The following STAU2 variants were observed in gnomAD, a reference collection of about 807,000 sequenced individuals.
The protein encoded by STAU2 is double-stranded RNA-binding protein Staufen homolog 2.
STAU2 carries 20 observed loss-of-function variants against 65.9 expected under a neutral mutation model. The observed-to-expected ratio is 0.30, with a 90% CI of 0.21 to 0.44. STAU2 has a LOEUF of 0.44. Ranked by LOEUF, STAU2 falls within the 20% of genes least tolerant of loss-of-function variation. STAU2 has a pLI of 1.00. For synonymous variants in STAU2, 232 were observed against 233.9 expected, an observed-to-expected ratio of 0.99 and a Z score of 0.07; for missense variants, 558 against 683.9, an observed-to-expected ratio of 0.82 and a Z score of 2.05.
At chr8:73,475,165 G>A (rs954754216) in intron 13 of STAU2, among the ~76,000 whole-genome samples, 5 of 152,198 alleles carry the variant, frequency 3.3e-5, no homozygotes, top group South Asian at 2.1e-4. Flanking sequence ...GGAGGCTAGC[G>A]TGTCTCCTGA....
intron 13 of STAU2, among the ~76,000 whole-genome samples, chr8:73,472,765 T>G (rs1440520222): frequency 6.6e-6 from 1 of 151,956 alleles, no homozygotes; most frequent in Non-Finnish European, 1.5e-5. Flanking sequence ...TGCTAATAGA[T>G]AAAGGAGACA....
At chr8:73,687,439 AATAT>A (rs1819000193) in intron 5 of STAU2, among the ~76,000 whole-genome samples, 1 of 129,022 alleles carries the variant, frequency 7.8e-6, no homozygotes, top group Non-Finnish European at 1.5e-5. Flanking sequence ...ATATATTTAT[AATAT>A]ATAAATATAT....
intron 13 of STAU2, among the ~76,000 whole-genome samples, chr8:73,505,550 C>T (rs889201274): frequency 1.3e-5 from 2 of 152,100 alleles, no homozygotes; most frequent in Middle Eastern, 3.4e-3. Flanking sequence ...ACATGTTTTT[C>T]CACTCTTTCT....
chr8:73,536,488 C>T (rs1411092101), intron 13 of STAU2, among the ~76,000 whole-genome samples: 1 of 152,184 alleles, frequency 6.6e-6, no homozygotes, highest in Admixed American at 6.5e-5. Context: ...CCATCCCCAA[C>T]AGCAAAAGTC....
chr8:73,613,330 T>C (rs76390483), intron 9 of STAU2, among the ~76,000 whole-genome samples: 6,346 of 152,258 alleles, frequency 0.042, 193 homozygotes, highest in Middle Eastern at 0.099. Context: ...AACACTGGAT[T>C]AGAGATCAGA....
intron 9 of STAU2, among the ~76,000 whole-genome samples, chr8:73,608,543 G>A (rs762015661): frequency 2.7e-5 from 4 of 150,720 alleles, no homozygotes; most frequent in African/African-American, 7.3e-5. Flanking sequence ...CCCAGGAGGC[G>A]GAGGTTACAG....
intron 4 of STAU2, among the ~76,000 whole-genome samples, chr8:73,693,694 T>C (rs1819514149): frequency 6.6e-6 from 1 of 152,210 alleles, no homozygotes. Context: ...CCTACTACAG[T>C]AAAAAGTGTA....
chr8:73,528,063 T>G (rs1283991453), intron 13 of STAU2, among the ~76,000 whole-genome samples: 1 of 152,166 alleles, frequency 6.6e-6, no homozygotes, highest in African/African-American at 2.4e-5. Context: ...AACTAAATGC[T>G]ATACCTATCT....
At chr8:73,669,807 C>G (rs557135671) in intron 6 of STAU2, among the ~76,000 whole-genome samples, 12 of 152,296 alleles carry the variant, frequency 7.9e-5, no homozygotes, top group African/African-American at 2.9e-4. Context: ...GGATTAGTGT[C>G]TGACTTTTCA....
chr8:73,663,652 T>A (rs919154046), intron 6 of STAU2, among the ~76,000 whole-genome samples: 1 of 152,036 alleles, frequency 6.6e-6, no homozygotes, highest in Non-Finnish European at 1.5e-5. Flanking sequence ...AACTCTACTA[T>A]GATTTTTGTT....
chr8:73,608,514 G>C (rs1013673053), intron 9 of STAU2, among the ~76,000 whole-genome samples: 14 of 151,834 alleles, frequency 9.2e-5, no homozygotes, highest in African/African-American at 3.4e-4. Flanking sequence ...GGCTGAGGAA[G>C]GCAGGAGAAT....
chr8:73,699,494 T>C (rs766746399), intron 4 of STAU2, among the ~76,000 whole-genome samples: 2 of 151,842 alleles, frequency 1.3e-5, no homozygotes, highest in Non-Finnish European at 2.9e-5. Context: ...GACATTACAA[T>C]GGATACAACA....
chr8:73,578,020 C>T (rs1436182542), intron 12 of STAU2, among the ~76,000 whole-genome samples: 2 of 151,916 alleles, frequency 1.3e-5, no homozygotes, highest in African/African-American at 4.8e-5. Context: ...TTAGCATTTA[C>T]GTATATAAAT....
At chr8:73,608,681 A>G (rs1032056914) in intron 9 of STAU2, among the ~76,000 whole-genome samples, 1 of 151,800 alleles carries the variant, frequency 6.6e-6, no homozygotes, top group African/African-American at 2.4e-5. Context: ...AATGACTGAT[A>G]GGACGTAAGG....
intron 10 of STAU2, among the ~76,000 whole-genome samples, 154 bp from the exon 11 acceptor site, chr8:73,595,451 G>C (rs1487104390): frequency 3.3e-5 from 5 of 152,142 alleles, no homozygotes; most frequent in Non-Finnish European, 2.9e-5. Context: ...TTTATGTAAT[G>C]TTGTATATGT....
intron 13 of STAU2, among the ~76,000 whole-genome samples, chr8:73,544,059 T>TCTCACA (rs1255869044): frequency 5.9e-5 from 9 of 152,290 alleles, no homozygotes; most frequent in African/African-American, 2.2e-4. Context: ...TGCCTAAACA[T>TCTCACA]CTCACACTCA....
intron 13 of STAU2, among the ~76,000 whole-genome samples, chr8:73,523,196 CAAA>C (rs763732188): frequency 8.9e-5 from 7 of 78,638 alleles, no homozygotes; most frequent in African/African-American, 3.0e-4. Context: ...ACTTTGTCTC[CAAA>C]AAAAAAAAAA....
chr8:73,667,110 C>G (rs1275940727), intron 6 of STAU2, among the ~76,000 whole-genome samples: 1 of 152,124 alleles, frequency 6.6e-6, no homozygotes. Flanking sequence ...CCTTAATACC[C>G]CAAATGCAAT....
chr8:73,700,628 T>A (rs1038054492), intron 4 of STAU2, among the ~76,000 whole-genome samples: 12 of 152,004 alleles, frequency 7.9e-5, no homozygotes, highest in African/African-American at 2.9e-4. Context: ...GTGAACGATC[T>A]CTACAATGAA....
Sources: gnomAD v4.1 joint callset for allele counts (sites outside exome capture counted in the v4.1 genomes callset) on GRCh38, gnomAD v4.1.1 for gene constraint, MANE v1.5 for transcripts, NCBI Gene and HGNC (gene_info 2026-07-23, HGNC 2026-07-21) for gene names.